Variants in PPRC1 observed in about 807,000 individuals in gnomAD.
PPRC1 encodes peroxisome proliferator-activated receptor gamma coactivator-related protein 1.
A neutral mutation model predicts 132.5 loss-of-function variants in PPRC1; 23 were observed. The ratio of observed to expected loss-of-function variants is 0.17; its 90% CI spans 0.12 to 0.25. The LOEUF is 0.25. Ranked by LOEUF, PPRC1 falls within the 10% of genes least tolerant of loss-of-function variation. The pLI is 1.00. For missense variants in PPRC1, 2,006 were observed against 2,089.1 expected (o/e 0.96, Z 0.78); for synonymous variants, 872 against 833.5 (o/e 1.05, Z -0.80).
rs775796088 is a variant in PPRC1 at position 102,139,915 on chromosome 10, A to G, written c.1407A>G (p.Ala469=). Residue 469 remains alanine, a synonymous_variant, in exon 5 of 14, where the codon GCA becomes GCG. Transcript: ENST00000278070. The part of the protein sequence containing the change: ...GRKKKSKEQP[A]ACVEGYARRL... Reference sequence around the variant, plus strand: ...AGAAGAAGAGCAAGGAGCAGCCAGCAGCCTGTGTGGAAGGCTATGCCAGGA... The same window carrying G: ...AGAAGAAGAGCAAGGAGCAGCCAGCGGCCTGTGTGGAAGGCTATGCCAGGA... 5.6e-6 allele frequency: 9 copies of G among 1,614,144 alleles called. No homozygotes were observed. Among genetic ancestry groups the G allele is most frequent in the Non-Finnish European group, 5.9e-6 (7 of 1,180,048 alleles).
the PPRC1 span, among the ~76,000 whole-genome samples, chr10:102,122,703 C>T: frequency 6.6e-6 from 1 of 152,110 alleles, no homozygotes; most frequent in African/African-American, 2.4e-5. Context: ...TCTGGGTGGA[C>T]AGGGGGACTA....
At chr10:102,142,065 A>G (rs1236285511) in intron 5 of PPRC1, 61 bp downstream of exon 5, 3 of 1,512,022 alleles carry the variant, frequency 2.0e-6, no homozygotes, top group African/African-American at 2.8e-5. Flanking sequence ...CTAGAATAGG[A>G]TAAGCCACCC....
upstream of PPRC1, among the ~76,000 whole-genome samples, chr10:102,132,739 G>A (rs2068567897): frequency 6.6e-6 from 1 of 152,192 alleles, no homozygotes; most frequent in African/African-American, 2.4e-5. Context: ...CCAACAGTTG[G>A]ACAAGTTAAC....
the PPRC1 span, chr10:102,120,166 G>A: frequency 1.6e-6 from 2 of 1,221,664 alleles, no homozygotes; most frequent in Non-Finnish European, 2.1e-6. Flanking sequence ...GCCCCTCGCG[G>A]GGACAGGCCG....
Position 102,138,013 on chromosome 10 carries a change from T to A in PPRC1, c.317T>A (p.Ile106Asn). 1 of 1,613,888 alleles carries A rather than the reference T, an allele frequency of 6.2e-7. No individual in the cohort carries two copies. Among genetic ancestry groups the A allele is most frequent in the Non-Finnish European group, 8.5e-7 (1 of 1,179,930 alleles). ...SYMDASLISL[I>N]EDFGSLGESR... ...ATGGATGCCTCCCTTATCTCCCTCA[T>A]TGAGGATTTTGGGAGCCTTGGAGAG... The change falls in exon 2 of 14, where the codon ATT (isoleucine) becomes AAT (asparagine). Residue 106 changes from isoleucine to asparagine, a missense_variant. Transcript: ENST00000278070.
chr10:102,132,770 T>A (rs996648564), upstream of PPRC1, among the ~76,000 whole-genome samples: 1 of 152,226 alleles, frequency 6.6e-6, no homozygotes, highest in African/African-American at 2.4e-5. Context: ...TACGCAAATG[T>A]TAACTTTCCC....
In PPRC1 at chr10:102,141,092, G is replaced by A. The variant is rs1008834200; in HGVS notation, c.2584G>A (p.Val862Met). 174 of 1,613,974 alleles carry A rather than the reference G, an allele frequency of 1.1e-4. No homozygotes were observed. Among genetic ancestry groups the A allele is most frequent in the Non-Finnish European group, 1.4e-4 (166 of 1,180,014 alleles). Residue 862 changes from valine (V) to methionine (M), a missense_variant, in exon 5 of 14, where the codon GTG (valine) becomes ATG (methionine). Around this residue, in one of 2 missense-constraint regions of PPRC1, gnomAD observed 1,914 missense variants for 1,917.2 expected, o/e 1.00. Coordinates refer to ENST00000278070, the MANE Select transcript of PPRC1 (RefSeq NM_015062.5). The part of the protein sequence containing the change: ...MPLLARPSPP[V>M]QSVSPAVPTP... ...ACTGTTGGCGAGACCTTCCCCTCCT[G>A]TGCAGTCTGTGTCCCCTGCTGTGCC...
chr10:102,128,865 C>G (rs1216426066), upstream of PPRC1, among the ~76,000 whole-genome samples: 2 of 149,578 alleles, frequency 1.3e-5, no homozygotes, highest in Non-Finnish European at 3.0e-5. Context: ...CCGCCCGCCT[C>G]GGCCTCCCAA....
rs975408687 is a variant in PPRC1 at position 102,137,928 on chromosome 10, C to G, written c.232C>G (p.Leu78Val). 4 of 1,614,006 alleles carry G rather than the reference C, an allele frequency of 2.5e-6. No homozygotes were observed. Among genetic ancestry groups the G allele is most frequent in the African/African-American group, 1.3e-5 (1 of 74,900 alleles). ...RLGPSLRDKDLEMEELMLQDE... is the reference protein window; with the variant it reads ...RLGPSLRDKDVEMEELMLQDE... ...GGGCCCATCTCTGAGGGACAAGGAC[C>G]TGGAAATGGAGGAGCTAATGCTGCA... The change falls in exon 2 of 14, where the codon CTG becomes GTG. Residue 78 changes from leucine to valine, a missense_variant. Leu to Val is a conservative substitution (Grantham distance 32). Transcript: ENST00000278070.
Position 102,148,872 on chromosome 10 carries a change from A to G in PPRC1, c.4673A>G (p.Glu1558Gly). The change falls in exon 12 of 14, where the codon GAG (glutamate) becomes GGG (glycine). Residue 1558 changes from glutamate to glycine, a missense_variant. Physicochemically the swap from Glu to Gly is moderately conservative, Grantham distance 98. This residue lies in a region of PPRC1 where 92 missense variants were observed against 171.9 expected (regional missense o/e 0.54). Coordinates refer to ENST00000278070, the MANE Select transcript of PPRC1 (RefSeq NM_015062.5). This position sits in a 1 kb window ranked among gnomAD's most constrained non-coding sequence, Gnocchi z 4.2. The part of the protein sequence containing the change: ...GKIPGRMTRS[E>G]LKQRFSVFGE... ...ATACCTGGCCGCATGACTCGATCAG[A>G]GCTGAAACAGAGGTTCTCCGTTTTT... 1 of 1,614,198 alleles carries G rather than the reference A, an allele frequency of 6.2e-7. No individual in the cohort carries two copies.
At chr10:102,144,507 C>G (rs1262021573) in intron 7 of PPRC1, 200 bp downstream of exon 7, 2 of 596,148 alleles carry the variant, frequency 3.4e-6, no homozygotes, top group Non-Finnish European at 5.9e-6. Flanking sequence ...GGCATGTTCA[C>G]TGCCCTCCAG....
intron 9 of PPRC1, among the ~76,000 whole-genome samples, chr10:102,147,675 T>G (rs896218809): frequency 1.3e-5 from 2 of 152,162 alleles, no homozygotes; most frequent in African/African-American, 4.8e-5. Context: ...ATGTTGATTT[T>G]TTTCACATAC....
At position 102,141,000 on chromosome 10, in the gene PPRC1, C is replaced by G. The variant is rs370268673; in HGVS notation, c.2492C>G (p.Pro831Arg). 4.6e-5 allele frequency: 75 copies of G among 1,614,032 alleles called. No homozygotes were observed. The highest frequency in any genetic ancestry group is 6.4e-5 in the Non-Finnish European group (75 of 1,180,048). The change falls in exon 5 of 14, where the codon CCT becomes CGT. Residue 831 changes from proline (P) to arginine (R), a missense_variant. By Grantham distance (103) the Pro-to-Arg change is moderately radical. Around this residue, in one of 2 missense-constraint regions of PPRC1, gnomAD observed 1,914 missense variants for 1,917.2 expected, o/e 1.00. Transcript: ENST00000278070. ...PVGPSPASPS[P>R]EPPVSKPVAS... is the part of the protein sequence containing the mutation. ...GGTCCCAGCCCTGCTTCTCCTAGTC[C>G]TGAGCCACCTGTAAGCAAACCTGTG...
In PPRC1 at chr10:102,141,327, C is replaced by T. The variant is rs753406808; in HGVS notation, c.2819C>T (p.Pro940Leu). Residue 940 changes from proline to leucine, a missense_variant, in exon 5 of 14, where the codon CCA becomes CTA. Pro to Leu is a moderately conservative substitution (Grantham distance 98). Coordinates refer to ENST00000278070, the MANE Select transcript of PPRC1 (RefSeq NM_015062.5). ...SPSGYPCLPP[P>L]PTVPLVSGTP... Reference sequence around the variant, plus strand: ...TCTGGCTATCCTTGCCTGCCCCCCCCACCAACGGTGCCCCTAGTGTCTGGT... The same window carrying T: ...TCTGGCTATCCTTGCCTGCCCCCCCTACCAACGGTGCCCCTAGTGTCTGGT... The T allele has an allele frequency of 5.0e-6, 8 of 1,613,974 alleles. No individual in the cohort carries two copies. The highest frequency in any genetic ancestry group is 1.1e-5 in the South Asian group (1 of 91,088).
Position 102,140,316 on chromosome 10 carries a change from G to C in PPRC1, c.1808G>C (p.Gly603Ala). 6.2e-7 allele frequency: 1 copy of C among 1,614,176 alleles called. No individual in the cohort carries two copies. Among genetic ancestry groups the C allele is most frequent in the Non-Finnish European group, 8.5e-7 (1 of 1,180,032 alleles). ...DPTAVGPVLA[G>A]PVPVDPGLVD... is the part of the protein sequence containing the mutation. The stretch of plus-strand genomic sequence containing the variant: ...ACTGCAGTTGGCCCTGTTCTAGCTG[G>C]CCCTGTACCTGTTGACCCTGGGTTG... The change falls in exon 5 of 14, where the codon GGC (glycine) becomes GCC (alanine). Residue 603 changes from glycine to alanine, a missense_variant. Coordinates refer to ENST00000278070, the MANE Select transcript of PPRC1 (RefSeq NM_015062.5).
At chr10:102,144,935 C>G in intron 7 of PPRC1, 85 bp from the exon 8 acceptor site, 1 of 1,098,832 alleles carries the variant, frequency 9.1e-7, no homozygotes, top group Non-Finnish European at 1.4e-6. Flanking sequence ...TGCACCCACC[C>G]CCTCCCATTG....
upstream of PPRC1, among the ~76,000 whole-genome samples, chr10:102,130,010 C>T (rs1419710925): frequency 6.6e-6 from 1 of 152,190 alleles, no homozygotes; most frequent in Non-Finnish European, 1.5e-5. Context: ...TTTATTGTTG[C>T]TCCTCATATG....
At chr10:102,121,594 A>G in the PPRC1 span, among the ~76,000 whole-genome samples, 2 of 152,114 alleles carry the variant, frequency 1.3e-5, no homozygotes, top group African/African-American at 4.8e-5. Context: ...CATAAACAGG[A>G]AATACCTATT....
In PPRC1 at chr10:102,141,415, A is replaced by G. The variant is rs1257390331; in HGVS notation, c.2907A>G (p.Pro969=). 1 of 1,613,576 alleles carries G rather than the reference A, an allele frequency of 6.2e-7. No individual in the cohort carries two copies. Among genetic ancestry groups the G allele is most frequent in the South Asian group, 1.1e-5 (1 of 91,060 alleles). The change falls in exon 5 of 14, where the codon CCA becomes CCG. Residue 969 remains proline, a synonymous_variant. Coordinates refer to ENST00000278070, the MANE Select transcript of PPRC1 (RefSeq NM_015062.5). ...CSVPWAPPPA[P]VSPYSSTCTY... ...TGCCTTGGGCACCCCCTCCTGCCCC[A>G]GTCTCACCTTACAGTTCCACATGTA...
Sources: gnomAD v4.1 joint callset for allele counts (sites outside exome capture counted in the v4.1 genomes callset) on GRCh38, gnomAD v4.1.1 for gene constraint, gnomAD v4.1.1 regional missense constraint, Gnocchi (gnomAD v3.1) non-coding constraint, MANE v1.5 for transcripts, NCBI Gene and HGNC (gene_info 2026-07-23, HGNC 2026-07-21) for gene names.